Variants in BCCIP observed in about 807,000 individuals in gnomAD.
The protein encoded by BCCIP is BRCA2 and CDKN1A interacting protein.
BCCIP carries 23 observed loss-of-function variants against 32.8 expected under a neutral mutation model. The ratio of observed to expected loss-of-function variants is 0.70; its 90% CI spans 0.51 to 0.99. The LOEUF (loss-of-function observed/expected upper bound fraction) is 0.99. BCCIP is among the 50% of genes least tolerant of loss of function. The pLI is 0.00. For synonymous variants in BCCIP, 144 were observed against 137.6 expected (o/e 1.05, Z -0.33); for missense variants, 378 against 379.8 (o/e 1.00, Z 0.04).
Position 125,831,436 on chromosome 10 carries a change from A to G in BCCIP, c.428A>G (p.Glu143Gly). The G allele has an allele frequency of 6.2e-7, 1 of 1,614,036 alleles. No individual in the cohort carries two copies. The highest frequency in any genetic ancestry group is 2.2e-5 in the East Asian group (1 of 44,882). ...GCTTTCTAGGGTACCCAGTGTGTTGAACAAATTCAAGAGTTGGTTCTACGC... is the reference window on the plus strand; with the variant it reads ...GCTTTCTAGGGTACCCAGTGTGTTGGACAAATTCAAGAGTTGGTTCTACGC... The part of the protein sequence containing the change: ...LTERKGTQCV[E>G]QIQELVLRFC... Residue 143 changes from glutamate (E) to glycine (G), a missense_variant, in exon 5 of 7, where the codon GAA (glutamate) becomes GGA (glycine). Transcript: ENST00000278100.
downstream of BCCIP, among the ~76,000 whole-genome samples, chr10:125,843,391 ACCAG>A (rs1854933891): frequency 6.6e-6 from 1 of 152,164 alleles, no homozygotes; most frequent in Non-Finnish European, 1.5e-5. Flanking sequence ...CGGGAGGATC[ACCAG>A]GTCAGGAGAT....
At chr10:125,844,693 A>G (rs1943990154), downstream of BCCIP, among the ~76,000 whole-genome samples, 1 of 152,236 alleles carries the variant, frequency 6.6e-6, no homozygotes, top group Non-Finnish European at 1.5e-5. Flanking sequence ...TCTTTAGGGC[A>G]GTGCTGCTTA....
chr10:125,841,782 A>T, exon 7 of BCCIP: 1 of 1,612,966 alleles, frequency 6.2e-7, no homozygotes, highest in Non-Finnish European at 8.5e-7. Flanking sequence ...TCATCTACAC[A>T]GTCAAATTCA....
intron 7 of BCCIP, among the ~76,000 whole-genome samples, chr10:125,849,357 C>A (rs1013482052): frequency 1.3e-5 from 2 of 152,156 alleles, no homozygotes; most frequent in Non-Finnish European, 2.9e-5. Context: ...CCATTCTGGG[C>A]CCTTTAAAAC....
In BCCIP at chr10:125,836,421, A is replaced by C; in HGVS notation, c.*147A>C. ...TCCCATGTGTCTCTGACACATTTAC[A>C]AAATACCAGTTTTTTAAAATTTTGG... On this transcript the variant is annotated 3_prime_UTR_variant, in exon 7 of 7. Transcript: ENST00000278100. 6.9e-7 allele frequency: 1 copy of C among 1,455,032 alleles called. No individual in the cohort carries two copies. The highest frequency in any genetic ancestry group is 9.0e-7 in the Non-Finnish European group (1 of 1,109,568). The allele number at this position is 1,455,032 out of a possible 1,614,324, so 90.1% of individuals were successfully genotyped here.
chr10:125,851,443 C>G (rs772959089), intron 7 of BCCIP, among the ~76,000 whole-genome samples: 6 of 152,064 alleles, frequency 3.9e-5, no homozygotes, highest in Non-Finnish European at 8.8e-5. Context: ...CATCACCAAG[C>G]CTTCCTTTTC....
chr10:125,835,534 A>G (rs747702349), intron 6 of BCCIP, among the ~76,000 whole-genome samples: 10 of 150,934 alleles, frequency 6.6e-5, no homozygotes, highest in South Asian at 4.2e-4. Context: ...AGCCGAGATC[A>G]CGCCACTGCA....
chr10:125,842,073 A>C, exon 7 of BCCIP: 2 of 1,104,288 alleles, frequency 1.8e-6, no homozygotes, highest in Non-Finnish European at 2.4e-6. Context: ...GCCACCAAAT[A>C]CCAGGGAGTG....
At chr10:125,839,373 C>A (rs1204713640), downstream of BCCIP, among the ~76,000 whole-genome samples, 1 of 152,254 alleles carries the variant, frequency 6.6e-6, no homozygotes, top group Non-Finnish European at 1.5e-5. Context: ...GCTGTCAGGG[C>A]ACTACCAGGA....
At chr10:125,826,501 A>G in intron 1 of BCCIP, 90 bp from the exon 2 acceptor site, 1 of 1,566,080 alleles carries the variant, frequency 6.4e-7, no homozygotes, top group Non-Finnish European at 8.6e-7. Flanking sequence ...TGTATTCTTC[A>G]CAGATGGCAA....
At chr10:125,835,743 GAA>G (rs1353796390) in intron 6 of BCCIP, among the ~76,000 whole-genome samples, 1 of 152,226 alleles carries the variant, frequency 6.6e-6, no homozygotes, top group South Asian at 2.1e-4. Flanking sequence ...GAGAAAGTGA[GAA>G]AAGAGTGTTT....
At chr10:125,852,183 C>G (rs1031596023) in intron 7 of BCCIP, 3 of 1,349,764 alleles carry the variant, frequency 2.2e-6, no homozygotes, top group Non-Finnish European at 2.0e-6. Flanking sequence ...ACCAACGCCC[C>G]CTCCATGCTT....
intron 7 of BCCIP, among the ~76,000 whole-genome samples, chr10:125,847,938 C>T (rs933884642): frequency 6.6e-6 from 1 of 152,204 alleles, no homozygotes. Flanking sequence ...GCTTGCCCCC[C>T]ACTCACCTCC....
downstream of BCCIP, chr10:125,836,608 G>A (rs941963264): frequency 6.3e-5 from 95 of 1,519,004 alleles, no homozygotes; most frequent in Non-Finnish European, 7.7e-5. Flanking sequence ...CCGTCTTCGC[G>A]TCATGTATCT....
At chr10:125,830,497 A>T in intron 3 of BCCIP, 65 bp from the exon 4 acceptor site, 1 of 1,083,618 alleles carries the variant, frequency 9.2e-7, no homozygotes, top group Non-Finnish European at 1.3e-6. Flanking sequence ...ACATCCCAAG[A>T]CTTGGTTTTA....
At chr10:125,832,242 A>G (rs1392994047) in intron 5 of BCCIP, among the ~76,000 whole-genome samples, 1 of 150,782 alleles carries the variant, frequency 6.6e-6, no homozygotes, top group African/African-American at 2.4e-5. Flanking sequence ...GTCTTGCTAC[A>G]TTGCCCAGGC....
chr10:125,830,255 TAAAAG>T (rs1463782743), intron 3 of BCCIP, among the ~76,000 whole-genome samples: 1 of 152,208 alleles, frequency 6.6e-6, no homozygotes, highest in Non-Finnish European at 1.5e-5. Context: ...GAGAATCTGA[TAAAAG>T]AAAATGACTT....
downstream of BCCIP, among the ~76,000 whole-genome samples, chr10:125,846,555 C>T (rs1944022800): frequency 2.6e-5 from 4 of 152,198 alleles, no homozygotes; most frequent in Non-Finnish European, 5.9e-5. Flanking sequence ...CAGCCTCACT[C>T]TTGGCCCTTC....
At chr10:125,824,197 C>T (rs1854289348) in intron 1 of BCCIP, among the ~76,000 whole-genome samples, 1 of 152,210 alleles carries the variant, frequency 6.6e-6, no homozygotes, top group South Asian at 2.1e-4. Flanking sequence ...TTTTCCCTTC[C>T]TTCTTCAGAT....
Sources: gnomAD v4.1 joint callset for allele counts (sites outside exome capture counted in the v4.1 genomes callset) on GRCh38, gnomAD v4.1.1 for gene constraint, MANE v1.5 for transcripts, NCBI Gene and HGNC (gene_info 2026-07-23, HGNC 2026-07-21) for gene names.